Variants in SYT9 observed in about 807,000 individuals in gnomAD.
SYT9 encodes the protein synaptotagmin 9.
Under a neutral mutation model 48.4 loss-of-function variants are expected in SYT9, and 22 were observed. The ratio of observed to expected loss-of-function variants is 0.45; its 90% confidence interval spans 0.32 to 0.65. SYT9 has a LOEUF of 0.65. Ranked by LOEUF, SYT9 falls within the 30% of genes least tolerant of loss-of-function variation. SYT9 has a pLI of 0.03. For synonymous variants in SYT9, 265 were observed against 245.0 expected, an observed-to-expected ratio of 1.08 and a Z score of -0.76; for missense variants, 577 against 622.0, an observed-to-expected ratio of 0.93 and a Z score of 0.77.
intron 3 of SYT9, among the ~76,000 whole-genome samples, chr11:7,337,053 A>C (rs924730076): frequency 6.6e-6 from 1 of 151,962 alleles, no homozygotes; most frequent in Non-Finnish European, 1.5e-5. Context: ...CACTGTAGAC[A>C]TCTTTACCTC....
intron 3 of SYT9, among the ~76,000 whole-genome samples, chr11:7,345,823 TA>T (rs1457126369): frequency 6.6e-6 from 1 of 152,228 alleles, no homozygotes; most frequent in East Asian, 1.9e-4. Context: ...TGTAGAGTGA[TA>T]AAAGAGGAGG....
At chr11:7,369,238 T>TGC (rs1317227534) in intron 3 of SYT9, among the ~76,000 whole-genome samples, 1 of 112,942 alleles carries the variant, frequency 8.9e-6, no homozygotes, top group Non-Finnish European at 1.9e-5. Context: ...GATGATGAGC[T>TGC]TTTTTTCCAC....
At chr11:7,320,431 A>T (rs1303175350) in intron 3 of SYT9, among the ~76,000 whole-genome samples, 1 of 152,118 alleles carries the variant, frequency 6.6e-6, no homozygotes. Context: ...TATTTCTATC[A>T]TTACTCATGC....
chr11:7,371,106 A>G (rs554823792), intron 3 of SYT9, among the ~76,000 whole-genome samples: 2 of 152,316 alleles, frequency 1.3e-5, no homozygotes, highest in South Asian at 4.1e-4. Flanking sequence ...TTATCATTAA[A>G]GCCGCTTAAT....
At chr11:7,343,738 G>A (rs1299416400) in intron 3 of SYT9, among the ~76,000 whole-genome samples, 1 of 152,086 alleles carries the variant, frequency 6.6e-6, no homozygotes, top group Non-Finnish European at 1.5e-5. Context: ...TACTGTATTA[G>A]TTCGTTTTCA....
At chr11:7,270,197 T>C (rs1326879741) in intron 1 of SYT9, among the ~76,000 whole-genome samples, 1 of 152,188 alleles carries the variant, frequency 6.6e-6, no homozygotes, top group Admixed American at 6.5e-5. Flanking sequence ...TATATAAATA[T>C]ATATTTTAAA....
At chr11:7,363,701 G>T (rs965760673) in intron 3 of SYT9, among the ~76,000 whole-genome samples, 1 of 152,138 alleles carries the variant, frequency 6.6e-6, no homozygotes, top group African/African-American at 2.4e-5. Context: ...AGTCAAAAAG[G>T]AGAGGCAAGA....
chr11:7,450,061 T>A (rs1270036029), intron 6 of SYT9, among the ~76,000 whole-genome samples: 4 of 152,222 alleles, frequency 2.6e-5, no homozygotes, highest in Non-Finnish European at 5.9e-5. Flanking sequence ...TTACATTTTC[T>A]ACTCTATCCA....
chr11:7,282,169 A>T (rs7125005), intron 1 of SYT9, among the ~76,000 whole-genome samples: 124,316 of 152,134 alleles, frequency 0.82, 51,178 homozygotes, highest in South Asian at 0.89. Flanking sequence ...CACTCATTCC[A>T]GGTTAGGGTA....
chr11:7,313,339 G>C, intron 2 of SYT9, 56 bp from the exon 3 acceptor site: 1 of 1,520,012 alleles, frequency 6.6e-7, no homozygotes, highest in Non-Finnish European at 8.8e-7. Context: ...AAAAGTTTCT[G>C]AGAGACCCAT....
chr11:7,337,777 T>C (rs1849653062), intron 3 of SYT9, among the ~76,000 whole-genome samples: 1 of 152,140 alleles, frequency 6.6e-6, no homozygotes, highest in Non-Finnish European at 1.5e-5. Flanking sequence ...AGCATTTTGT[T>C]GAGGATTTTT....
chr11:7,277,731 G>A (rs1015688515), intron 1 of SYT9, among the ~76,000 whole-genome samples: 6 of 152,226 alleles, frequency 3.9e-5, no homozygotes, highest in African/African-American at 1.2e-4. Context: ...AATTTTCACT[G>A]TGAAAGCAAA....
At chr11:7,437,102 C>A (rs997464939) in intron 6 of SYT9, among the ~76,000 whole-genome samples, 17 of 152,322 alleles carry the variant, frequency 1.1e-4, no homozygotes, top group African/African-American at 4.1e-4. Flanking sequence ...TCTACCCAGG[C>A]TTTCCAGTAG....
chr11:7,248,862 C>A (rs1322032074), upstream of SYT9, among the ~76,000 whole-genome samples: 1 of 152,076 alleles, frequency 6.6e-6, no homozygotes, highest in Non-Finnish European at 1.5e-5. Context: ...CAAAAAAGAG[C>A]CCACATAGCC....
intron 3 of SYT9, among the ~76,000 whole-genome samples, chr11:7,399,345 A>T (rs1006201288): frequency 2.0e-5 from 3 of 152,212 alleles, no homozygotes; most frequent in Non-Finnish European, 4.4e-5. Context: ...GGAGATCTCA[A>T]TCATGTATTG....
At chr11:7,433,633 C>T (rs1337747634) in intron 6 of SYT9, among the ~76,000 whole-genome samples, 2 of 152,190 alleles carry the variant, frequency 1.3e-5, no homozygotes, top group African/African-American at 2.4e-5. Flanking sequence ...GTTATGAGGG[C>T]TCTGCCTTCA....
intron 1 of SYT9, among the ~76,000 whole-genome samples, chr11:7,270,163 C>A (rs896639887): frequency 6.6e-6 from 1 of 152,012 alleles, no homozygotes; most frequent in Admixed American, 6.6e-5. Context: ...ACAATAATAC[C>A]ATATTGACAA....
At chr11:7,310,659 G>A (rs1849116469) in intron 2 of SYT9, among the ~76,000 whole-genome samples, 1 of 151,852 alleles carries the variant, frequency 6.6e-6, no homozygotes, top group Non-Finnish European at 1.5e-5. Context: ...TGTTAGCCAG[G>A]ATGGTGTCGA....
At chr11:7,361,537 G>T (rs936834766) in intron 3 of SYT9, among the ~76,000 whole-genome samples, 2 of 152,036 alleles carry the variant, frequency 1.3e-5, no homozygotes, top group African/African-American at 4.8e-5. Flanking sequence ...GTGTTCCCTA[G>T]ATCAAACCCT....
Sources: gnomAD v4.1 joint callset for allele counts (sites outside exome capture counted in the v4.1 genomes callset) on GRCh38, gnomAD v4.1.1 for gene constraint, MANE v1.5 for transcripts, NCBI Gene and HGNC (gene_info 2026-07-23, HGNC 2026-07-21) for gene names.